The following BTNL8 variants were observed in gnomAD, a reference collection of about 807,000 sequenced individuals.
BTNL8 encodes butyrophilin like 8, also known as butyrophilin-like protein 8.
A neutral mutation model predicts 36.1 loss-of-function variants in BTNL8; 22 were observed. That is an observed-to-expected ratio of 0.61 (90% CI 0.44 to 0.87). The LOEUF (loss-of-function observed/expected upper bound fraction) is 0.87, where lower values mean the gene tolerates loss of function less well. Among genes scored for constraint, BTNL8 ranks in the 40% least tolerant of loss-of-function variants. The pLI, the probability that BTNL8 is intolerant of heterozygous loss-of-function variation, is 0.00. For synonymous variants in BTNL8, 203 were observed against 235.6 expected, an observed-to-expected ratio of 0.86 and a Z score of 1.27; for missense variants, 526 against 616.9, an observed-to-expected ratio of 0.85 and a Z score of 1.56.
At chr5:180,946,607 C>A (rs1759261700) in intron 3 of BTNL8, among the ~76,000 whole-genome samples, 1 of 152,156 alleles carries the variant, frequency 6.6e-6, no homozygotes, top group African/African-American at 2.4e-5. Context: ...GAGGCTGGGG[C>A]AGAGGGCAAG....
chr5:180,931,314 T>C (rs1441161205), intron 3 of BTNL8, among the ~76,000 whole-genome samples: 7 of 152,136 alleles, frequency 4.6e-5, no homozygotes, highest in African/African-American at 1.7e-4. Flanking sequence ...TAACTCAAGA[T>C]GGATTATAGA....
In BTNL8 at chr5:180,945,163, G is replaced by A. The variant is rs1759176222; in HGVS notation, c.674-2349G>A. ...ATGGAAAGTTTGGAAGTACGCCCATGTGTTTATGAACAATTGATTTTTGAA... is the reference window on the plus strand; with the variant it reads ...ATGGAAAGTTTGGAAGTACGCCCATATGTTTATGAACAATTGATTTTTGAA... On this transcript the variant is annotated intron_variant, in intron 3 of 7. Coordinates refer to ENST00000340184, the MANE Select transcript of BTNL8 (RefSeq NM_001040462.3). 2.0e-5 allele frequency among the ~76,000 whole-genome samples: 3 copies of A among 152,334 alleles called. No individual in the cohort carries two copies. In the South Asian group the frequency reaches 6.2e-4, roughly 32 times the overall value.
chr5:180,950,648 TG>T lies in BTNL8; in HGVS notation c.*106del, dbSNP rs1759515514. ...AGGTGGCTTCCAGATGAAGGGGGAC[TG>T]GCCTGTCCACATGGGAGTCAGGTGT... On this transcript the variant is annotated 3_prime_UTR_variant, in exon 8 of 8. Coordinates refer to ENST00000340184, the MANE Select transcript of BTNL8 (RefSeq NM_001040462.3). The T allele has an allele frequency of 1.7e-6, 2 of 1,189,992 alleles. No homozygotes were observed. Among genetic ancestry groups the T allele is most frequent in the Non-Finnish European group, 2.3e-6 (2 of 853,532 alleles). The allele number at this position is 1,189,992 out of a possible 1,614,324, so 73.7% of individuals were successfully genotyped here. A position where few individuals can be genotyped will look rare whatever the true frequency, so the allele number is the denominator to read the frequency against.
At chr5:180,933,645 A>T in intron 3 of BTNL8, among the ~76,000 whole-genome samples, 1 of 152,218 alleles carries the variant, frequency 6.6e-6, no homozygotes, top group East Asian at 1.9e-4. Flanking sequence ...AAAGGCAAAA[A>T]TGAGAGGGAA....
At chr5:180,916,860 GTTTA>G (rs1162318723) in intron 3 of BTNL8, among the ~76,000 whole-genome samples, 1 of 152,190 alleles carries the variant, frequency 6.6e-6, no homozygotes, top group Non-Finnish European at 1.5e-5. Context: ...CTTACAAATT[GTTTA>G]TTTATGAAAT....
chr5:180,920,988 A>G (rs572529738), intron 3 of BTNL8, among the ~76,000 whole-genome samples: 4 of 152,198 alleles, frequency 2.6e-5, no homozygotes, highest in Admixed American at 6.5e-5. Context: ...TACAGCCACT[A>G]TGGAAAACAG....
At chr5:180,922,009 G>GTTAT (rs1460011317) in intron 3 of BTNL8, among the ~76,000 whole-genome samples, 6 of 151,992 alleles carry the variant, frequency 3.9e-5, no homozygotes, top group Non-Finnish European at 7.4e-5. Flanking sequence ...GTCTCTGATA[G>GTTAT]TTATTTGTAT....
chr5:180,926,800 G>C (rs1758123392), intron 3 of BTNL8, among the ~76,000 whole-genome samples: 1 of 152,214 alleles, frequency 6.6e-6, no homozygotes, highest in Non-Finnish European at 1.5e-5. Flanking sequence ...GGGCATCTCT[G>C]AAAGAAAGGC....
Position 180,899,245 on chromosome 5 carries a change from T to TA in BTNL8, c.-64dup. 3.2e-6 allele frequency: 5 copies of TA among 1,580,492 alleles called. No homozygotes were observed. Among genetic ancestry groups the TA allele is most frequent in the Non-Finnish European group, 4.3e-6 (5 of 1,149,686 alleles). On this transcript the variant is annotated 5_prime_UTR_variant, in exon 1 of 8. Coordinates refer to ENST00000340184, the MANE Select transcript of BTNL8 (RefSeq NM_001040462.3). ...ATTAGGCCAGTTCTCCTCTTCTCTC[T>TA]AATCCATCCGTCACCTCTCCTGTCA...
chr5:180,930,261 C>G (rs1420773889), intron 3 of BTNL8, among the ~76,000 whole-genome samples: 1 of 152,120 alleles, frequency 6.6e-6, no homozygotes, highest in Admixed American at 6.6e-5. Context: ...ATTAAACACC[C>G]CTTCATGCTA....
At chr5:180,913,944 A>T (rs912714163) in intron 3 of BTNL8, among the ~76,000 whole-genome samples, 1 of 152,220 alleles carries the variant, frequency 6.6e-6, no homozygotes, top group Admixed American at 6.5e-5. Context: ...TAACAAACCC[A>T]ATTTAATAGA....
rs1220558901 is a variant in BTNL8, at chr5:180,949,536, T to C, written c.862+271T>C. ...TCAGGGAATTGAGGGCACTAGTGAC[T>C]GGTCAGGGGTCTGAGCTGAGGGGAA... On this transcript the variant is annotated intron_variant, in intron 7 of 7. Coordinates refer to ENST00000340184, the MANE Select transcript of BTNL8 (RefSeq NM_001040462.3). 3 of 564,788 alleles carry C rather than the reference T, an allele frequency of 5.3e-6. 1 individual carries two copies. The highest frequency in any genetic ancestry group is 9.0e-6 in the Non-Finnish European group (3 of 332,044). 35.0% of individuals were successfully genotyped at this position (564,788 alleles called of 1,614,324 possible).
chr5:180,915,999 G>A (rs557344519), intron 3 of BTNL8, among the ~76,000 whole-genome samples: 22 of 152,326 alleles, frequency 1.4e-4, no homozygotes, highest in African/African-American at 5.1e-4. Context: ...AATTGATAAT[G>A]AACAGAGGTT....
Position 180,908,677 on chromosome 5 carries a change from T to C in BTNL8, c.141T>C (p.Asn47=). The C allele has an allele frequency of 2.5e-6, 4 of 1,613,820 alleles. No homozygotes were observed. Among genetic ancestry groups the C allele is most frequent in the Non-Finnish European group, 3.4e-6 (4 of 1,180,022 alleles). Residue 47 remains asparagine (N), a synonymous_variant, in exon 2 of 8, where the codon AAT becomes AAC. Coordinates refer to ENST00000340184, the MANE Select transcript of BTNL8 (RefSeq NM_001040462.3). ...AFSCFLSPKT[N]AEAMEVRFFR... ...CCTGTTTCCTGTCTCCTAAGACCAA[T>C]GCAGAGGCCATGGAAGTGCGGTTCT...
chr5:180,927,609 A>G (rs967895416), intron 3 of BTNL8, among the ~76,000 whole-genome samples: 1 of 152,200 alleles, frequency 6.6e-6, no homozygotes, highest in African/African-American at 2.4e-5. Context: ...GCTGCTAACT[A>G]GAATAACCAG....
chr5:180,917,550 A>C (rs936218217), intron 3 of BTNL8, among the ~76,000 whole-genome samples: 2 of 152,270 alleles, frequency 1.3e-5, no homozygotes, highest in African/African-American at 4.8e-5. Context: ...TGGATAACCT[A>C]GCAGAAATGG....
At chr5:180,911,176 C>T (rs1045007819) in intron 2 of BTNL8, among the ~76,000 whole-genome samples, 163 bp from the exon 3 acceptor site, 29 of 152,228 alleles carry the variant, frequency 1.9e-4, no homozygotes, top group African/African-American at 3.4e-4. Flanking sequence ...AAAATGGCAA[C>T]GAACAGAGGC....
intron 1 of BTNL8, chr5:180,902,385 G>A: frequency 1.3e-6 from 2 of 1,551,030 alleles, no homozygotes; most frequent in Non-Finnish European, 1.7e-6. Context: ...ATGTGGACAT[G>A]GTTTGTCAAA....
chr5:180,907,316 G>A (rs1254448470), intron 1 of BTNL8, among the ~76,000 whole-genome samples: 5 of 121,106 alleles, frequency 4.1e-5, no homozygotes, highest in Non-Finnish European at 6.6e-5. Flanking sequence ...TGATCGCATC[G>A]GCTCCTGAGG....
Sources: allele counts gnomAD v4.1 joint callset (sites outside exome capture counted in the v4.1 genomes callset), GRCh38; gene constraint gnomAD v4.1.1; transcripts MANE v1.5; gene names NCBI Gene and HGNC (gene_info 2026-07-23, HGNC 2026-07-21).